The following LBHD1 variants were observed in gnomAD, a reference collection of about 807,000 sequenced individuals.
The protein encoded by LBHD1 is LBH domain containing 1, also known as LBH domain-containing protein 1.
LBHD1 carries 28 observed loss-of-function variants against 31.1 expected under a neutral mutation model. The observed-to-expected ratio is 0.90, with a 90% CI of 0.67 to 1.24. The LOEUF is 1.24. LBHD1 is among the 50% of genes most tolerant of loss of function. The pLI is 0.00. For missense variants in LBHD1, 350 were observed against 323.0 expected, an observed-to-expected ratio of 1.08 and a Z score of -0.64; for synonymous variants, 105 against 116.5, an observed-to-expected ratio of 0.90 and a Z score of 0.63.
At position 62,663,587 on chromosome 11, in the gene LBHD1, G is replaced by A. The variant is rs928124298; in HGVS notation, c.664-254C>T. Among the ~76,000 whole-genome samples the A allele has an allele frequency of 7.2e-5, 11 of 151,908 alleles. No homozygotes were observed. In the East Asian group the frequency reaches 1.9e-3, roughly 27 times the overall value. On this transcript the variant is annotated intron_variant, in intron 5 of 6. Transcript: ENST00000354588. ...CGGGCGCCTGTAGTCCCAGCTACTC[G>A]GGAGGCTGCGGCAGGAGAATGGCGT...
intron 2 of LBHD1, 23 bp from the exon 3 acceptor site, chr11:62,669,826 T>C (rs1216404864): frequency 2.5e-6 from 4 of 1,613,850 alleles, no homozygotes; most frequent in East Asian, 2.2e-5. Context: ...AGCAGGGAGG[T>C]TGGGCCAAAC....
rs768808864 is a variant in LBHD1 at position 62,667,605 on chromosome 11, G to A, written c.456C>T (p.Pro152=). Residue 152 remains proline, a synonymous_variant, in exon 4 of 7, where the codon CCC becomes CCT. Transcript: ENST00000354588. The stretch of plus-strand genomic sequence containing the variant: ...CACGGGAGCCTGTTGAGTCCCAGAA[G>A]GGACAGTGGTTGGTGGCTTCCAGAC... ...TACLEATNHC[P]FWDSTGSRVC... 47 of 1,613,986 alleles carry A rather than the reference G, an allele frequency of 2.9e-5. No homozygotes were observed. Among genetic ancestry groups the A allele is most frequent in the Non-Finnish European group, 3.7e-5 (44 of 1,180,028 alleles).
At chr11:62,668,925 T>C (rs1485177038) in intron 3 of LBHD1, among the ~76,000 whole-genome samples, 1 of 151,960 alleles carries the variant, frequency 6.6e-6, no homozygotes, top group Non-Finnish European at 1.5e-5. Context: ...TGGGGTAATT[T>C]TTTTTGTTTT....
intron 3 of LBHD1, chr11:62,668,574 G>A (rs954548027): frequency 6.6e-6 from 1 of 151,728 alleles, no homozygotes; most frequent in East Asian, 1.9e-4. Flanking sequence ...CACTTTGAGA[G>A]GCCCAGGCAG....
At chr11:62,665,813 C>T in intron 4 of LBHD1, 10 of 1,584,110 alleles carry the variant, frequency 6.3e-6, no homozygotes, top group Non-Finnish European at 6.9e-6. Context: ...GACCTCAGGC[C>T]TCTCCGGCTG....
chr11:62,668,835 CA>C (rs935551953), intron 3 of LBHD1, among the ~76,000 whole-genome samples: 41 of 150,944 alleles, frequency 2.7e-4, no homozygotes, highest in Non-Finnish European at 5.8e-4. Flanking sequence ...AACAAACAAA[CA>C]AAAAAACAGT....
At chr11:62,669,200 G>A (rs1011041323) in intron 3 of LBHD1, among the ~76,000 whole-genome samples, 7 of 152,018 alleles carry the variant, frequency 4.6e-5, no homozygotes, top group Non-Finnish European at 8.8e-5. Context: ...GATTACAGGC[G>A]TGAGCCACCG....
intron 4 of LBHD1, chr11:62,665,462 C>G (rs914338142): frequency 8.3e-6 from 13 of 1,572,042 alleles, no homozygotes; most frequent in Non-Finnish European, 1.1e-5. Context: ...GGTGCCGCTC[C>G]CCGTAATGTA....
chr11:62,665,149 C>G (rs568429624), intron 4 of LBHD1, 176 bp from the exon 5 acceptor site: 7 of 975,784 alleles, frequency 7.2e-6, no homozygotes, highest in Non-Finnish European at 1.1e-5. Flanking sequence ...GCCGGTTGAT[C>G]TTTCCCCCCG....
chr11:62,666,028 T>G, intron 4 of LBHD1: 9 of 1,432,994 alleles, frequency 6.3e-6, no homozygotes, highest in Non-Finnish European at 8.6e-6. Context: ...GAGTCAGGAG[T>G]GTAGTCCCTG....
rs182814557 is a variant in LBHD1, at chr11:62,671,511, G to T, written c.-11+53C>A. The stretch of plus-strand genomic sequence containing the variant: ...GGAATTGAGGACACAGGGTCCCCGC[G>T]CTCAGCCCTTGGTGCCAGCACTTCT... On this transcript the variant is annotated intron_variant, in intron 1 of 6. Coordinates refer to ENST00000354588, the MANE Select transcript of LBHD1 (RefSeq NM_024099.5). The T allele has an allele frequency of 3.0e-4, 423 of 1,391,890 alleles. No individual in the cohort carries two copies. The African/African-American group carries it at 5.4e-3, about 18-fold the overall frequency. 86.2% of individuals were successfully genotyped at this position (1,391,890 alleles called of 1,614,324 possible). A position where few individuals can be genotyped will look rare whatever the true frequency, so the allele number is the denominator to read the frequency against.
At chr11:62,665,138 G>A in intron 4 of LBHD1, 165 bp from the exon 5 acceptor site, 1 of 1,059,120 alleles carries the variant, frequency 9.4e-7, no homozygotes. Context: ...CACCGTTCGG[G>A]GCCGGTTGAT....
At chr11:62,667,472 G>A (rs1341771219) in intron 4 of LBHD1, 51 bp downstream of exon 4, 1 of 1,570,980 alleles carries the variant, frequency 6.4e-7, no homozygotes, top group Non-Finnish European at 8.8e-7. Context: ...TGGGTATAAG[G>A]AGCTTCATAA....
chr11:62,667,957 A>C, intron 3 of LBHD1: 1 of 505,398 alleles, frequency 2.0e-6, no homozygotes, highest in Non-Finnish European at 3.5e-6. Context: ...AGTTCCAACT[A>C]CTCAGGAGGC....
intron 4 of LBHD1, chr11:62,666,613 C>G (rs771424123): frequency 6.2e-7 from 1 of 1,614,176 alleles, no homozygotes; most frequent in East Asian, 2.2e-5. Flanking sequence ...GCCTCTACAC[C>G]AAATCTCCAC....
intron 1 of LBHD1, 108 bp from the exon 2 acceptor site, chr11:62,670,149 T>G: frequency 8.5e-7 from 1 of 1,180,276 alleles, no homozygotes; most frequent in East Asian, 2.4e-5. Context: ...GCACCGACTG[T>G]GCTAAGCGAT....
At chr11:62,667,930 T>G in intron 3 of LBHD1, 183 bp from the exon 4 acceptor site, 36 of 538,098 alleles carry the variant, frequency 6.7e-5, no homozygotes, top group Middle Eastern at 5.0e-4. Flanking sequence ...GAGCCCGGGA[T>G]AGTGGCACAG....
At chr11:62,665,188 G>C (rs1049361741) in intron 4 of LBHD1, 2 of 816,720 alleles carry the variant, frequency 2.4e-6, no homozygotes, top group African/African-American at 3.4e-5. Flanking sequence ...TTCCACTCCA[G>C]TTCACGGTCC....
intron 1 of LBHD1, chr11:62,671,129 TAAC>T (rs911132896): frequency 8.7e-5 from 31 of 356,578 alleles, no homozygotes; most frequent in African/African-American, 1.3e-4. Flanking sequence ...GCCCACACAC[TAAC>T]AACAACAACA....
Sources: allele counts gnomAD v4.1 joint callset (sites outside exome capture counted in the v4.1 genomes callset), GRCh38; gene constraint gnomAD v4.1.1; transcripts MANE v1.5; gene names NCBI Gene and HGNC (gene_info 2026-07-23, HGNC 2026-07-21).